SIK3: variants seen among roughly 807,000 people sequenced by gnomAD.
The protein encoded by SIK3 is SIK family kinase 3, also known as serine/threonine-protein kinase SIK3.
In SIK3, 28 loss-of-function variants were observed where a neutral mutation model predicts 144.2. The ratio of observed to expected loss-of-function variants is 0.19; its 90% CI spans 0.14 to 0.27. The LOEUF (loss-of-function observed/expected upper bound fraction) is 0.27, where lower values mean the gene tolerates loss of function less well. Ranked by LOEUF, SIK3 falls within the 10% of genes least tolerant of loss-of-function variation. SIK3 has a pLI of 1.00. For synonymous variants in SIK3, 686 were observed against 676.3 expected (o/e 1.01, Z -0.22); for missense variants, 1,319 against 1,776.0 (o/e 0.74, Z 4.62).
chr11:117,013,911 G>GTGTGTGTGTGTGTGTGTGTAT lies in SIK3; in HGVS notation c.274-56848_274-56847insATACACACACACACACACACA, dbSNP rs1565556646. 2.1e-4 allele frequency among the ~76,000 whole-genome samples: 6 copies of GTGTGTGTGTGTGTGTGTGTAT among 28,444 alleles called. 1 individual carries two copies. Among genetic ancestry groups the GTGTGTGTGTGTGTGTGTGTAT allele is most frequent in the Admixed American group, 1.3e-3 (3 of 2,258 alleles). 18.7% of individuals were successfully genotyped at this position (28,444 alleles called of 152,430 possible). Reference sequence around the variant, plus strand: ...TCTCCAGATTCTGAGGGGGGGGGGGGGAGGGTGTGTGTGTGTGTGTGTGTG... The same window carrying GTGTGTGTGTGTGTGTGTGTAT: ...TCTCCAGATTCTGAGGGGGGGGGGGGTGTGTGTGTGTGTGTGTGTATGAGGGTGTGTGTGTGTGTGTGTGTG... On this transcript the variant is annotated intron_variant, in intron 1 of 24. Transcript: ENST00000445177.
At chr11:117,011,424 T>C (rs1043044191) in intron 1 of SIK3, among the ~76,000 whole-genome samples, 2 of 152,214 alleles carry the variant, frequency 1.3e-5, no homozygotes, top group African/African-American at 4.8e-5. Context: ...GGATGAGTCA[T>C]TGTTTTGTAC....
chr11:117,086,476 G>C (rs1955011213), intron 1 of SIK3, among the ~76,000 whole-genome samples: 1 of 151,492 alleles, frequency 6.6e-6, no homozygotes, highest in Non-Finnish European at 1.5e-5. Flanking sequence ...TGGATCACGA[G>C]GTAGGAGTTC....
chr11:117,030,850 ACT>A (rs748526535), intron 1 of SIK3, among the ~76,000 whole-genome samples: 39 of 151,962 alleles, frequency 2.6e-4, no homozygotes, highest in Non-Finnish European at 4.0e-4. Flanking sequence ...TAAAAATTAA[ACT>A]CTATTTTGAG....
intron 1 of SIK3, among the ~76,000 whole-genome samples, chr11:117,061,388 G>GT (rs143938293): frequency 0.02 from 3,113 of 152,286 alleles, 115 homozygotes; most frequent in African/African-American, 0.069. Flanking sequence ...GAGGTTCAGA[G>GT]TGCAAACTCT....
chr11:117,043,791 G>C (rs558798399), intron 1 of SIK3, among the ~76,000 whole-genome samples: 2 of 152,100 alleles, frequency 1.3e-5, no homozygotes, highest in Non-Finnish European at 2.9e-5. Context: ...TCTCACTTTA[G>C]TTACTTTCTG....
chr11:116,884,391 A>G (rs1944705330), intron 6 of SIK3, among the ~76,000 whole-genome samples: 1 of 134,078 alleles, frequency 7.5e-6, no homozygotes, highest in Non-Finnish European at 1.5e-5. Context: ...TCTGTCGCCC[A>G]GGCTGGAGTG....
chr11:116,992,324 C>CG (rs1319249713), intron 1 of SIK3, among the ~76,000 whole-genome samples: 1 of 145,562 alleles, frequency 6.9e-6, no homozygotes, highest in African/African-American at 2.6e-5. Context: ...GACCCCCCCC[C>CG]CCAAAAAAAA....
At position 116,862,347 on chromosome 11, in the gene SIK3, T is replaced by C. The variant is rs765233368; in HGVS notation, c.2104-20A>G. ...ACACTCCTGAAGGGAAAGTAGTTAA[T>C]ACAGATGGGATGCAGCCAGACCCGC... is the stretch of plus-strand genomic sequence containing the variant. On this transcript the variant is annotated intron_variant, in intron 16 of 24. Transcript: ENST00000445177. 27 of 1,613,886 alleles carry C rather than the reference T, an allele frequency of 1.7e-5. No individual in the cohort carries two copies. Among genetic ancestry groups the C allele is most frequent in the Non-Finnish European group, 2.2e-5 (26 of 1,179,948 alleles).
intron 7 of SIK3, 23 bp downstream of exon 7, chr11:116,876,901 T>G: frequency 2.5e-6 from 4 of 1,600,186 alleles, no homozygotes; most frequent in Admixed American, 1.7e-5. Flanking sequence ...AGGAGTCCCC[T>G]GCAGCAGCGG....
At chr11:117,050,668 C>G (rs1953197287) in intron 1 of SIK3, among the ~76,000 whole-genome samples, 1 of 151,774 alleles carries the variant, frequency 6.6e-6, no homozygotes, top group South Asian at 2.1e-4. Flanking sequence ...GCCTGGGCAA[C>G]AAGAGTGAGA....
At chr11:117,066,531 AT>A (rs1954026754) in intron 1 of SIK3, among the ~76,000 whole-genome samples, 1 of 133,020 alleles carries the variant, frequency 7.5e-6, no homozygotes, top group African/African-American at 2.8e-5. Flanking sequence ...TAAAGAAACA[AT>A]CCTTTTTTTT....
chr11:116,953,300 A>C (rs562308981), intron 3 of SIK3, among the ~76,000 whole-genome samples: 55 of 152,324 alleles, frequency 3.6e-4, no homozygotes, highest in South Asian at 2.9e-3. Flanking sequence ...AATTAGACAA[A>C]TAAAGTATAT....
At chr11:116,847,036 GTC>G (rs1942026909) in intron 23 of SIK3, among the ~76,000 whole-genome samples, 1 of 152,180 alleles carries the variant, frequency 6.6e-6, no homozygotes, top group Non-Finnish European at 1.5e-5. Context: ...GGATCTCGGG[GTC>G]CAGAAAGCCA....
chr11:116,935,605 T>C (rs1384807281), intron 3 of SIK3, among the ~76,000 whole-genome samples: 4 of 152,218 alleles, frequency 2.6e-5, no homozygotes, highest in Admixed American at 6.5e-5. Flanking sequence ...AAAAATGTTA[T>C]TCAAGTTTTC....
chr11:117,098,198 C>A lies in SIK3; in HGVS notation c.218G>T (p.Gly73Val). The A allele has an allele frequency of 6.6e-7, 1 of 1,523,462 alleles. No homozygotes were observed. Among genetic ancestry groups the A allele is most frequent in the Admixed American group, 1.8e-5 (1 of 54,134 alleles). The allele number at this position is 1,523,462 out of a possible 1,614,324, so 94.4% of individuals were successfully genotyped here. ...CTTGACCACCGCGAAGTTGCCCTTG[C>A]CGATGGTGCGGTCGATCTCGTAGTA... Reference protein sequence around the residue: ...IGYYEIDRTIGKGNFAVVKRA... With the variant: ...IGYYEIDRTIVKGNFAVVKRA... Residue 73 changes from glycine to valine, a missense_variant, in exon 1 of 25, where the codon GGC becomes GTC. This residue lies in a region of SIK3 where 114 missense variants were observed against 116.2 expected (regional missense o/e 0.98). Transcript: ENST00000445177.
chr11:116,856,330 G>A (rs940494324), intron 21 of SIK3, among the ~76,000 whole-genome samples: 1 of 152,102 alleles, frequency 6.6e-6, no homozygotes, highest in South Asian at 2.1e-4. Flanking sequence ...ACCTCTGTTA[G>A]AAAGCTCCCA....
At chr11:117,076,419 A>C (rs191825923) in intron 1 of SIK3, among the ~76,000 whole-genome samples, 157 of 152,336 alleles carry the variant, frequency 1.0e-3, no homozygotes, top group Non-Finnish European at 1.6e-3. Context: ...TAATTTCTTC[A>C]ATTTAGCAGA....
At chr11:116,964,942 GTGGT>G (rs1375146415) in intron 1 of SIK3, among the ~76,000 whole-genome samples, 3 of 152,102 alleles carry the variant, frequency 2.0e-5, no homozygotes, top group Non-Finnish European at 4.4e-5. Flanking sequence ...TTTTAGGTGA[GTGGT>G]TGAACTTTTA....
chr11:117,098,149 C>T lies in SIK3; in HGVS notation c.267G>A (p.Lys89=). Reference sequence around the variant, plus strand: ...CTGGCCCCTGCGCCGGTACCTTGGCCTTGGTGACGAGGTGCGTGGCCCGCT... The same window carrying T: ...CTGGCCCCTGCGCCGGTACCTTGGCTTTGGTGACGAGGTGCGTGGCCCGCT... ...VVKRATHLVT[K]AKVAIKIIDK... Residue 89 remains lysine, a synonymous_variant, in exon 1 of 25, where the codon AAG becomes AAA. Coordinates refer to ENST00000445177, the MANE Select transcript of SIK3 (RefSeq NM_001366686.3). 1.3e-6 allele frequency: 2 copies of T among 1,499,784 alleles called. No homozygotes were observed. Among genetic ancestry groups the T allele is most frequent in the South Asian group, 1.2e-5 (1 of 84,898 alleles). The allele number at this position is 1,499,784 out of a possible 1,614,324, so 92.9% of individuals were successfully genotyped here. A position where few individuals can be genotyped will look rare whatever the true frequency, so the allele number is the denominator to read the frequency against.
Sources: allele counts gnomAD v4.1 joint callset (sites outside exome capture counted in the v4.1 genomes callset), GRCh38; gene constraint gnomAD v4.1.1; regional missense constraint gnomAD v4.1.1; transcripts MANE v1.5; gene names NCBI Gene and HGNC (gene_info 2026-07-23, HGNC 2026-07-21).